Variants in SYNE1 observed in about 807,000 individuals in gnomAD.
SYNE1 encodes the protein nesprin-1.
In SYNE1, 616 loss-of-function variants were observed where a neutral mutation model predicts 1,111.0. That is an observed-to-expected ratio of 0.55 (90% confidence interval 0.52 to 0.59). SYNE1 has a LOEUF of 0.59. SYNE1 is among the 20% of genes least tolerant of loss of function. The pLI, the probability that SYNE1 is intolerant of heterozygous loss-of-function variation, is 0.00. For synonymous variants in SYNE1, 3,855 were observed against 3,825.8 expected (o/e 1.01, Z -0.28); for missense variants, 10,006 against 10,417.0 (o/e 0.96, Z 1.72).
At chr6:152,588,919 A>C (rs1396032827) in intron 3 of SYNE1, among the ~76,000 whole-genome samples, 1 of 151,964 alleles carries the variant, frequency 6.6e-6, no homozygotes, top group African/African-American at 2.4e-5. Context: ...GCAAGAAATC[A>C]GGAAAGCCAA....
rs1363436331 is a variant in SYNE1 at position 152,390,307 on chromosome 6, A to C, written c.8150T>G (p.Ile2717Ser). ...LETLKEVWADIMSSSVHAQST... is the reference protein window; with the variant it reads ...LETLKEVWADSMSSSVHAQST... ...TTGAGCGTGGACGGAGGAGCTCATG[A>C]TGTCAGCCCACACTTCTTTAAGGGT... Residue 2717 changes from isoleucine to serine, a missense_variant, in exon 53 of 146, where the codon ATC (isoleucine) becomes AGC (serine). Transcript: ENST00000367255. The C allele has an allele frequency of 6.2e-7, 1 of 1,613,982 alleles. No individual in the cohort carries two copies. The highest frequency in any genetic ancestry group is 8.5e-7 in the Non-Finnish European group (1 of 1,179,998).
intron 45 of SYNE1, 39 bp from the exon 46 acceptor site, chr6:152,404,353 G>T: frequency 7.0e-7 from 1 of 1,430,804 alleles, no homozygotes; most frequent in South Asian, 1.1e-5. Flanking sequence ...CAAAAACACT[G>T]ACATGCTATA....
intron 8 of SYNE1, among the ~76,000 whole-genome samples, chr6:152,509,520 G>C (rs111683132): frequency 6.6e-6 from 1 of 152,056 alleles, no homozygotes; most frequent in East Asian, 1.9e-4. Context: ...GCCTACCGAA[G>C]AGCTGGGATT....
chr6:152,136,940 G>A lies in SYNE1; in HGVS notation c.25459-122C>T, dbSNP rs112132808. 54 of 1,024,034 alleles carry A rather than the reference G, an allele frequency of 5.3e-5. No homozygotes were observed. The East Asian group carries it at 5.6e-4, about 11-fold the overall frequency. 63.4% of individuals were successfully genotyped at this position (1,024,034 alleles called of 1,614,324 possible). On this transcript the variant is annotated intron_variant, in intron 140 of 145. Coordinates refer to ENST00000367255, the MANE Select transcript of SYNE1 (RefSeq NM_182961.4). ...AAACTGGCCTTAACAGGATGGCTAG[G>A]TAAAAGACAGAGGGTGCGTACCACT...
chr6:152,284,944 C>T (rs1196469043), intron 95 of SYNE1, among the ~76,000 whole-genome samples: 1 of 152,036 alleles, frequency 6.6e-6, no homozygotes, highest in Non-Finnish European at 1.5e-5. Flanking sequence ...TCATTTTTCT[C>T]ATTTACCAAA....
In SYNE1 at chr6:152,444,964, T is replaced by C. The variant is rs559114441; in HGVS notation, c.3670-386A>G. Among the ~76,000 whole-genome samples, 259 of 152,256 alleles carry C rather than the reference T, an allele frequency of 1.7e-3. 2 individuals are homozygous for C. The highest frequency in any genetic ancestry group is 5.8e-3 in the African/African-American group (239 of 41,556). Reference sequence around the variant, plus strand: ...AAGTCTACCTCAACCACTTGACATATAAACACAGATCTTTAACTTTTATTC... The same window carrying C: ...AAGTCTACCTCAACCACTTGACATACAAACACAGATCTTTAACTTTTATTC... On this transcript the variant is annotated intron_variant, in intron 29 of 145. Transcript: ENST00000367255.
rs142792391 is a variant in SYNE1 at position 152,250,317 on chromosome 6, T to G, written c.19471-1055A>C. On this transcript the variant is annotated intron_variant, in intron 104 of 145. Transcript: ENST00000367255. ...TAAAATATCAACAAATAAGTTCTAT[T>G]TCATAATAGTCAGCAAAAATATATT... Among the ~76,000 whole-genome samples, 908 of 152,234 alleles carry G rather than the reference T, an allele frequency of 6.0e-3. 7 individuals carry two copies. Among genetic ancestry groups the G allele is most frequent in the African/African-American group, 0.021 (860 of 41,520 alleles).
At chr6:152,540,595 G>A (rs1290913076) in intron 3 of SYNE1, among the ~76,000 whole-genome samples, 2 of 152,248 alleles carry the variant, frequency 1.3e-5, no homozygotes, top group Non-Finnish European at 2.9e-5. Context: ...TGTGTCGGCA[G>A]AATGTGGGTA....
chr6:152,247,774 CACACACAT>C (rs1234385410), intron 105 of SYNE1, among the ~76,000 whole-genome samples: 4 of 143,550 alleles, frequency 2.8e-5, no homozygotes, highest in South Asian at 2.2e-4. Flanking sequence ...CACACACACA[CACACACAT>C]ATATTTTTAA....
chr6:152,505,258 C>A lies in SYNE1; in HGVS notation c.721G>T (p.Asp241Tyr), dbSNP rs1433954224. 6.2e-6 allele frequency: 10 copies of A among 1,613,942 alleles called. No individual in the cohort carries two copies. Among genetic ancestry groups the A allele is most frequent in the Non-Finnish European group, 8.5e-6 (10 of 1,180,010 alleles). The change falls in exon 9 of 146, where the codon GAT becomes TAT. Residue 241 changes from aspartate (D) to tyrosine (Y), a missense_variant. Physicochemically the swap from Asp to Tyr is radical, Grantham distance 160 (BLOSUM62 -3). Coordinates refer to ENST00000367255, the MANE Select transcript of SYNE1 (RefSeq NM_182961.4). ...KGRSNRENLE[D>Y]AFTIAETELG... ...TCTGTTTCGGCGATAGTGAAAGCAT[C>A]CTCCAAATTTTCTCGGTTGGATCTG... is the stretch of plus-strand genomic sequence containing the variant.
At chr6:152,500,582 G>A (rs1004422350) in intron 10 of SYNE1, among the ~76,000 whole-genome samples, 13 of 152,110 alleles carry the variant, frequency 8.5e-5, no homozygotes, top group Admixed American at 5.9e-4. Context: ...AACTATTGGC[G>A]TGATGTCTAC....
At chr6:152,178,914 T>C (rs921853274) in intron 129 of SYNE1, among the ~76,000 whole-genome samples, 4 of 146,424 alleles carry the variant, frequency 2.7e-5, no homozygotes, top group Non-Finnish European at 6.0e-5. Context: ...CCAATTCTTT[T>C]TTTTTTTTTT....
At chr6:152,565,149 A>T (rs1025227618) in intron 3 of SYNE1, among the ~76,000 whole-genome samples, 1 of 152,204 alleles carries the variant, frequency 6.6e-6, no homozygotes, top group African/African-American at 2.4e-5. Flanking sequence ...AGAAGCCAGG[A>T]GAAACCTGAT....
At position 152,416,784 on chromosome 6, in the gene SYNE1, G is replaced by A. The variant is rs567456051; in HGVS notation, c.5653C>T (p.Arg1885Cys). ...GCTTCCACTGTTTGCCTCAGCTGGC[G>A]GAGAATGCCGGACAGAGAGGCATGG... is the stretch of plus-strand genomic sequence containing the variant. ...QSHASLSGILRQLRQTVEATN... is the reference protein window; with the variant it reads ...QSHASLSGILCQLRQTVEATN... Residue 1885 changes from arginine to cysteine, a missense_variant, in exon 41 of 146, where the codon CGC becomes TGC. Arg to Cys is a radical substitution (Grantham distance 180). Around this residue, in one of 7 missense-constraint regions of SYNE1, gnomAD observed 4,955 missense variants for 5,017.2 expected, o/e 0.99. Coordinates refer to ENST00000367255, the MANE Select transcript of SYNE1 (RefSeq NM_182961.4). 6 of 1,614,186 alleles carry A rather than the reference G, an allele frequency of 3.7e-6. No homozygotes were observed. Among genetic ancestry groups the A allele is most frequent in the East Asian group, 4.5e-5 (2 of 44,878 alleles).
chr6:152,541,776 G>A (rs971458184), intron 3 of SYNE1, among the ~76,000 whole-genome samples: 3 of 138,560 alleles, frequency 2.2e-5, no homozygotes, highest in African/African-American at 7.7e-5. Flanking sequence ...GAAAAGAAAT[G>A]CCACAGAATT....
At chr6:152,323,769 A>T (rs750850451) in intron 81 of SYNE1, 32 bp from the exon 82 acceptor site, 41 of 1,612,968 alleles carry the variant, frequency 2.5e-5, no homozygotes, top group Non-Finnish European at 3.4e-5. Context: ...ATGAAGTTCA[A>T]TAATAAATAA....
intron 3 of SYNE1, among the ~76,000 whole-genome samples, chr6:152,548,331 C>T (rs1163806062): frequency 6.6e-6 from 1 of 152,168 alleles, no homozygotes; most frequent in Non-Finnish European, 1.5e-5. Context: ...CCATCTCTTA[C>T]CAAGATAGCA....
chr6:152,621,374 A>C (rs1318938266), intron 3 of SYNE1, among the ~76,000 whole-genome samples: 2 of 152,162 alleles, frequency 1.3e-5, no homozygotes, highest in African/African-American at 2.4e-5. Flanking sequence ...ATTCATGTGG[A>C]GGTAACAAGA....
intron 52 of SYNE1, 105 bp downstream of exon 52, chr6:152,391,172 C>T: frequency 1.3e-6 from 2 of 1,559,166 alleles, no homozygotes; most frequent in Admixed American, 1.7e-5. Flanking sequence ...CCACACAATC[C>T]TCATTTAGAG....
Sources: allele counts gnomAD v4.1 joint callset (sites outside exome capture counted in the v4.1 genomes callset), GRCh38; gene constraint gnomAD v4.1.1; regional missense constraint gnomAD v4.1.1; transcripts MANE v1.5; gene names NCBI Gene and HGNC (gene_info 2026-07-23, HGNC 2026-07-21).